Variants in CLSTN2 observed in about 807,000 individuals in gnomAD.
CLSTN2 encodes calsyntenin 2, also known as calsyntenin-2.
Under a neutral mutation model 101.2 loss-of-function variants are expected in CLSTN2, and 48 were observed. The observed-to-expected ratio is 0.47, with a 90% CI of 0.38 to 0.60. The LOEUF is 0.60. Among genes scored for constraint, CLSTN2 ranks in the 20% least tolerant of loss-of-function variants. The pLI, the probability that CLSTN2 is intolerant of heterozygous loss-of-function variation, is 0.00. For synonymous variants in CLSTN2, 481 were observed against 463.6 expected (o/e 1.04, Z -0.48); for missense variants, 1,160 against 1,238.2 (o/e 0.94, Z 0.95).
At chr3:139,992,102 T>G (rs1936125226) in intron 1 of CLSTN2, among the ~76,000 whole-genome samples, 1 of 152,146 alleles carries the variant, frequency 6.6e-6, no homozygotes, top group Non-Finnish European at 1.5e-5. Context: ...AATCGACAAG[T>G]ATTCTGTCTT....
At chr3:140,515,780 T>TATCA (rs748615300) in intron 8 of CLSTN2, among the ~76,000 whole-genome samples, 18 of 152,152 alleles carry the variant, frequency 1.2e-4, no homozygotes, top group Non-Finnish European at 2.1e-4. Context: ...TTTTGTGGCC[T>TATCA]ATCATATGGT....
intron 1 of CLSTN2, among the ~76,000 whole-genome samples, chr3:140,133,939 G>C (rs187392755): frequency 3.3e-5 from 5 of 152,152 alleles, no homozygotes; most frequent in Admixed American, 2.6e-4. Context: ...GGAAATAAGA[G>C]AGTAGTAACT....
At chr3:140,497,371 G>A (rs1341422937) in intron 8 of CLSTN2, among the ~76,000 whole-genome samples, 1 of 152,146 alleles carries the variant, frequency 6.6e-6, no homozygotes, top group Non-Finnish European at 1.5e-5. Flanking sequence ...GATGGATTGG[G>A]GGTCCCATTT....
chr3:140,151,338 G>T (rs1332941052), intron 1 of CLSTN2, among the ~76,000 whole-genome samples: 2 of 152,058 alleles, frequency 1.3e-5, no homozygotes, highest in Non-Finnish European at 2.9e-5. Flanking sequence ...GGAATAGTGG[G>T]AGAGAAGCTC....
intron 1 of CLSTN2, among the ~76,000 whole-genome samples, chr3:140,116,652 C>A (rs2009247743): frequency 6.6e-6 from 1 of 152,146 alleles, no homozygotes; most frequent in Admixed American, 6.5e-5. Context: ...TGTCTTCTGG[C>A]ATTGCCTCAG....
intron 1 of CLSTN2, among the ~76,000 whole-genome samples, chr3:140,023,638 C>T (rs943691135): frequency 5.3e-5 from 8 of 152,168 alleles, no homozygotes; most frequent in Non-Finnish European, 1.5e-5. Flanking sequence ...GTGTCCCCAG[C>T]ACACTGGGGC....
chr3:140,427,562 T>C (rs531705262), intron 5 of CLSTN2, among the ~76,000 whole-genome samples: 1 of 152,036 alleles, frequency 6.6e-6, no homozygotes, highest in East Asian at 1.9e-4. Flanking sequence ...AGATGGAGAT[T>C]TGAGTCTCCT....
At chr3:140,006,044 A>T (rs1270994545) in intron 1 of CLSTN2, among the ~76,000 whole-genome samples, 1 of 152,218 alleles carries the variant, frequency 6.6e-6, no homozygotes, top group Non-Finnish European at 1.5e-5. Context: ...ATTATGATTC[A>T]GAAACCAGAG....
At chr3:140,527,919 G>C (rs1009878072) in intron 8 of CLSTN2, among the ~76,000 whole-genome samples, 5 of 152,148 alleles carry the variant, frequency 3.3e-5, no homozygotes, top group South Asian at 2.1e-4. Flanking sequence ...ACTAATAGAT[G>C]GGGGAGGGAA....
chr3:140,186,009 A>G (rs1299968207), intron 2 of CLSTN2, among the ~76,000 whole-genome samples: 1 of 152,202 alleles, frequency 6.6e-6, no homozygotes, highest in Non-Finnish European at 1.5e-5. Flanking sequence ...CCTAGTGAAA[A>G]CTACCTGTTA....
chr3:140,422,896 T>G (rs1000163256), intron 5 of CLSTN2, among the ~76,000 whole-genome samples: 4 of 152,190 alleles, frequency 2.6e-5, no homozygotes, highest in Non-Finnish European at 4.4e-5. Context: ...AATGAATGAA[T>G]GAATGAAAGA....
At chr3:140,529,644 G>T (rs1935214084) in intron 8 of CLSTN2, among the ~76,000 whole-genome samples, 1 of 152,114 alleles carries the variant, frequency 6.6e-6, no homozygotes, top group Non-Finnish European at 1.5e-5. Flanking sequence ...CCCTAATTAG[G>T]CATTTCCTTT....
rs933474575 is a variant in CLSTN2, at chr3:140,550,835, A to AGG, written c.1674+4154_1674+4155insGG. 1.9e-4 allele frequency among the ~76,000 whole-genome samples: 28 copies of AGG among 150,912 alleles called. 1 individual carries two copies. Among genetic ancestry groups the AGG allele is most frequent in the Non-Finnish European group, 3.5e-4 (24 of 67,990 alleles). ...TGAAACTTTTTATAACCTTTTTATA[A>AGG]CCAAGCTTGGTTATAAAGGCTTGGT... On this transcript the variant is annotated intron_variant, in intron 10 of 16. Coordinates refer to ENST00000458420, the MANE Select transcript of CLSTN2 (RefSeq NM_022131.3).
intron 1 of CLSTN2, among the ~76,000 whole-genome samples, chr3:140,034,317 G>A (rs1333419591): frequency 6.6e-6 from 1 of 152,136 alleles, no homozygotes; most frequent in Non-Finnish European, 1.5e-5. Context: ...GTAGTGCTAT[G>A]GGGAAGCAAC....
intron 5 of CLSTN2, among the ~76,000 whole-genome samples, chr3:140,436,329 A>G (rs982680005): frequency 1.3e-5 from 2 of 152,168 alleles, no homozygotes; most frequent in African/African-American, 4.8e-5. Context: ...AGCACCACTT[A>G]ATGAAGAGAC....
intron 1 of CLSTN2, among the ~76,000 whole-genome samples, chr3:140,051,735 T>C (rs1442167158): frequency 6.6e-6 from 1 of 152,110 alleles, no homozygotes; most frequent in African/African-American, 2.4e-5. Flanking sequence ...TCAGAGATGG[T>C]GGTGTCATTG....
chr3:140,409,093 GC>G (rs2088335688), intron 4 of CLSTN2, among the ~76,000 whole-genome samples: 1 of 152,326 alleles, frequency 6.6e-6, no homozygotes, highest in African/African-American at 2.4e-5. Context: ...CCTATTGGTG[GC>G]CCCCACCACC....
intron 1 of CLSTN2, among the ~76,000 whole-genome samples, chr3:140,146,695 A>C (rs1225333444): frequency 6.6e-6 from 1 of 152,234 alleles, no homozygotes; most frequent in East Asian, 1.9e-4. Context: ...TGGGAATAAA[A>C]GTTTTCATGT....
chr3:140,408,065 T>A (rs1241927164), intron 4 of CLSTN2, among the ~76,000 whole-genome samples: 1 of 151,470 alleles, frequency 6.6e-6, no homozygotes, highest in Non-Finnish European at 1.5e-5. Flanking sequence ...AGCTCAGGAG[T>A]CCAGTTGAGA....
Sources: gnomAD v4.1 joint callset for allele counts (sites outside exome capture counted in the v4.1 genomes callset) on GRCh38, gnomAD v4.1.1 for gene constraint, MANE v1.5 for transcripts, NCBI Gene and HGNC (gene_info 2026-07-23, HGNC 2026-07-21) for gene names.